Variants in PELI1 observed in about 807,000 individuals in gnomAD.
PELI1 encodes E3 ubiquitin-protein ligase pellino homolog 1.
In PELI1, 15 loss-of-function variants were observed where a neutral mutation model predicts 41.3. The observed-to-expected ratio is 0.36, with a 90% CI of 0.24 to 0.56. The LOEUF (loss-of-function observed/expected upper bound fraction) is 0.56, where lower values mean the gene tolerates loss of function less well. Among genes scored for constraint, PELI1 ranks in the 20% least tolerant of loss-of-function variants. PELI1 has a pLI of 0.82. For synonymous variants in PELI1, 178 were observed against 180.1 expected (o/e 0.99, Z 0.09); for missense variants, 403 against 525.5 (o/e 0.77, Z 2.28).
intron 2 of PELI1, among the ~76,000 whole-genome samples, chr2:64,105,285 T>C (rs929147496): frequency 7.2e-5 from 11 of 152,202 alleles, no homozygotes; most frequent in Non-Finnish European, 1.5e-5. Context: ...ACTTTTGAAG[T>C]AAGGAATTTT....
At chr2:64,100,371 G>GA in intron 4 of PELI1, 27 bp downstream of exon 4, 13 of 1,228,662 alleles carry the variant, frequency 1.1e-5, no homozygotes, top group South Asian at 3.7e-5. Flanking sequence ...CGTTTCTTAA[G>GA]AAAAAAAATT....
At chr2:64,139,804 C>T (rs1681838203) in intron 1 of PELI1, among the ~76,000 whole-genome samples, 2 of 152,206 alleles carry the variant, frequency 1.3e-5, no homozygotes, top group Non-Finnish European at 2.9e-5. Context: ...AATCACAGTA[C>T]TCTTTCCTGC....
At chr2:64,098,828 C>T (rs1474872761) in intron 4 of PELI1, among the ~76,000 whole-genome samples, 3 of 152,146 alleles carry the variant, frequency 2.0e-5, no homozygotes, top group Non-Finnish European at 4.4e-5. Context: ...TGATACATCA[C>T]AGTCTTTTTG....
At chr2:64,113,796 C>T (rs1680901930) in intron 1 of PELI1, among the ~76,000 whole-genome samples, 1 of 152,078 alleles carries the variant, frequency 6.6e-6, no homozygotes, top group African/African-American at 2.4e-5. Flanking sequence ...CAATTATTTT[C>T]ATATCAAGTC....
chr2:64,121,315 A>G (rs1681202304), intron 1 of PELI1, among the ~76,000 whole-genome samples: 1 of 152,182 alleles, frequency 6.6e-6, no homozygotes, highest in Non-Finnish European at 1.5e-5. Context: ...CTGACTCTCA[A>G]TGTCTTATAC....
chr2:64,111,001 CAA>C (rs938120819), intron 1 of PELI1, among the ~76,000 whole-genome samples: 2 of 151,916 alleles, frequency 1.3e-5, no homozygotes, highest in African/African-American at 4.8e-5. Flanking sequence ...GAAAATCACA[CAA>C]TAAATAATCC....
At position 64,093,532 on chromosome 2, in the gene PELI1, T is replaced by A. The variant is rs1337425345; in HGVS notation, c.*1170A>T. ...ATTAGAGAATAAACAGACCATGCAG[T>A]GCGTCACTCCACGCTGCAGTCATTG... On this transcript the variant is annotated 3_prime_UTR_variant, in exon 7 of 7. Coordinates refer to ENST00000358912, the MANE Select transcript of PELI1 (RefSeq NM_020651.4). The A allele has an allele frequency of 6.6e-6, 1 of 152,632 alleles. No individual in the cohort carries two copies. The highest frequency in any genetic ancestry group is 1.5e-5 in the Non-Finnish European group (1 of 68,020). 9.5% of individuals were successfully genotyped at this position (152,632 alleles called of 1,614,324 possible).
intron 2 of PELI1, chr2:64,106,126 C>G (rs1206979204): frequency 1.3e-5 from 2 of 152,338 alleles, no homozygotes; most frequent in Non-Finnish European, 2.9e-5. Context: ...CTATTTTAGG[C>G]TTTGTATTGC....
chr2:64,100,589 C>A, intron 3 of PELI1, 90 bp from the exon 4 acceptor site: 3 of 756,064 alleles, frequency 4.0e-6, no homozygotes, highest in South Asian at 2.9e-5. Flanking sequence ...AACTATTTAT[C>A]AAATACATGA....
intron 1 of PELI1, among the ~76,000 whole-genome samples, chr2:64,140,805 AAAC>A (rs1681882625): frequency 1.6e-5 from 2 of 126,074 alleles, no homozygotes; most frequent in Admixed American, 7.7e-5. Flanking sequence ...AAAAACAAAC[AAAC>A]AAAAAAAAAC....
chr2:64,135,717 T>C (rs1681696972), intron 1 of PELI1, among the ~76,000 whole-genome samples: 1 of 152,228 alleles, frequency 6.6e-6, no homozygotes, highest in Admixed American at 6.5e-5. Context: ...AGATTGAATT[T>C]TCAAATAATC....
At chr2:64,112,978 C>T (rs946534437) in intron 1 of PELI1, among the ~76,000 whole-genome samples, 3 of 152,076 alleles carry the variant, frequency 2.0e-5, no homozygotes, top group African/African-American at 7.2e-5. Context: ...TAAAAGAATT[C>T]TTCAAAATGA....
At chr2:64,121,867 GGCAC>G (rs1332693499) in intron 1 of PELI1, among the ~76,000 whole-genome samples, 1 of 150,384 alleles carries the variant, frequency 6.6e-6, no homozygotes, top group African/African-American at 2.4e-5. Context: ...ATCACGCCAT[GGCAC>G]TCCAGCCTGG....
At chr2:64,108,518 C>A in intron 1 of PELI1, 139 bp from the exon 2 acceptor site, 5 of 469,152 alleles carry the variant, frequency 1.1e-5, no homozygotes, top group Admixed American at 3.8e-5. Context: ...ACATTTTGCC[C>A]AATAATGATT....
At chr2:64,131,305 TATATATATATACACAC>T (rs1004259897) in intron 1 of PELI1, among the ~76,000 whole-genome samples, 28 of 150,170 alleles carry the variant, frequency 1.9e-4, no homozygotes, top group East Asian at 1.7e-3. Context: ...TAGCAATTCA[TATATATATATACACAC>T]ATATATATAT....
rs3755112 is a variant in PELI1, at chr2:64,093,799, C to G, written c.*903G>C. 0.078 allele frequency: 11,913 copies of G among 152,576 alleles called. 696 individuals are homozygous for G. Among genetic ancestry groups the G allele is most frequent in the African/African-American group, 0.17 (7,100 of 41,470 alleles). 9.5% of individuals were successfully genotyped at this position (152,576 alleles called of 1,614,324 possible). Reference sequence around the variant, plus strand: ...TGCTAATTTATACTTTTTCTTATGGCAATGATTTTTTTCTAGAAACAGTGA... The same window carrying G: ...TGCTAATTTATACTTTTTCTTATGGGAATGATTTTTTTCTAGAAACAGTGA... On this transcript the variant is annotated 3_prime_UTR_variant, in exon 7 of 7. Transcript: ENST00000358912.
chr2:64,127,672 A>G (rs1016809220), intron 1 of PELI1, among the ~76,000 whole-genome samples: 2 of 152,144 alleles, frequency 1.3e-5, no homozygotes, highest in African/African-American at 4.8e-5. Flanking sequence ...TATTACCAAC[A>G]AGACCTTGAC....
intron 1 of PELI1, among the ~76,000 whole-genome samples, chr2:64,135,632 T>G (rs577511054): frequency 9.5e-4 from 145 of 152,312 alleles, no homozygotes; most frequent in South Asian, 2.7e-3. Flanking sequence ...GGCAGGAAAT[T>G]ACAAGTATCT....
At chr2:64,140,811 A>C (rs1270259467) in intron 1 of PELI1, among the ~76,000 whole-genome samples, 2 of 147,660 alleles carry the variant, frequency 1.4e-5, no homozygotes, top group South Asian at 4.2e-4. Flanking sequence ...AAACAAACAA[A>C]AAAAAACCTA....
Sources: allele counts gnomAD v4.1 joint callset (sites outside exome capture counted in the v4.1 genomes callset), GRCh38; gene constraint gnomAD v4.1.1; transcripts MANE v1.5; gene names NCBI Gene and HGNC (gene_info 2026-07-23, HGNC 2026-07-21).